The following CNTNAP2 variants were observed in gnomAD, a reference collection of about 807,000 sequenced individuals.
The protein encoded by CNTNAP2 is contactin-associated protein-like 2.
In CNTNAP2, 98 loss-of-function variants were observed where a neutral mutation model predicts 155.2. The observed-to-expected ratio is 0.63, with a 90% CI of 0.54 to 0.75. The LOEUF is 0.75. CNTNAP2 is among the 30% of genes least tolerant of loss of function. The probability of loss-of-function intolerance (pLI) is 0.00; values close to 1 mark genes in which losing one functional copy is unlikely to be tolerated. For synonymous variants in CNTNAP2, 651 were observed against 631.2 expected (o/e 1.03, Z -0.47); for missense variants, 1,727 against 1,688.1 (o/e 1.02, Z -0.40).
At chr7:148,411,073 G>C (rs1359159955) in intron 23 of CNTNAP2, among the ~76,000 whole-genome samples, 1 of 152,132 alleles carries the variant, frequency 6.6e-6, no homozygotes, top group East Asian at 1.9e-4. Flanking sequence ...AAATATTCCA[G>C]TGTTTTCTTC....
chr7:147,154,869 G>C (rs1801892831), intron 8 of CNTNAP2, among the ~76,000 whole-genome samples: 1 of 151,898 alleles, frequency 6.6e-6, no homozygotes, highest in African/African-American at 2.4e-5. Context: ...AAAACATATA[G>C]TTAGATTATG....
intron 8 of CNTNAP2, among the ~76,000 whole-genome samples, chr7:147,248,616 G>T (rs1584818501): frequency 6.6e-6 from 1 of 152,178 alleles, no homozygotes; most frequent in Admixed American, 6.5e-5. Flanking sequence ...CATTAGTAAA[G>T]AAGTTGAGAC....
intron 6 of CNTNAP2, chr7:147,122,518 G>C (rs917204500): frequency 2.0e-5 from 3 of 152,186 alleles, no homozygotes; most frequent in Non-Finnish European, 4.4e-5. Context: ...CTATTGCACT[G>C]TACGACTGGC....
intron 1 of CNTNAP2, among the ~76,000 whole-genome samples, chr7:146,306,026 A>T (rs151100175): frequency 0.013 from 1,982 of 152,238 alleles, 50 homozygotes; most frequent in African/African-American, 0.045. Context: ...GAAAAGAGAG[A>T]AGAATCAAAT....
chr7:148,068,375 A>G (rs1422214406), intron 15 of CNTNAP2, among the ~76,000 whole-genome samples: 1 of 152,112 alleles, frequency 6.6e-6, no homozygotes, highest in Non-Finnish European at 1.5e-5. Context: ...TTCTAGTTTT[A>G]TATTTCACTG....
intron 9 of CNTNAP2, among the ~76,000 whole-genome samples, chr7:147,377,518 G>C (rs977389004): frequency 6.6e-6 from 1 of 151,380 alleles, no homozygotes; most frequent in Non-Finnish European, 1.5e-5. Context: ...CTCTTTTCTG[G>C]ACATAGTTCC....
intron 19 of CNTNAP2, among the ~76,000 whole-genome samples, chr7:148,219,253 T>C (rs1795699909): frequency 1.3e-5 from 2 of 152,228 alleles, no homozygotes; most frequent in Admixed American, 6.5e-5. Context: ...GATCACTTTT[T>C]TAATGAATAA....
At chr7:146,544,303 G>C (rs1360982831) in intron 1 of CNTNAP2, among the ~76,000 whole-genome samples, 1 of 151,844 alleles carries the variant, frequency 6.6e-6, no homozygotes, top group Non-Finnish European at 1.5e-5. Flanking sequence ...TCATTTATCT[G>C]TCACCTTCTT....
chr7:147,187,509 A>C (rs1027506401), intron 8 of CNTNAP2, among the ~76,000 whole-genome samples: 5 of 152,144 alleles, frequency 3.3e-5, no homozygotes, highest in African/African-American at 1.2e-4. Flanking sequence ...ACTAACCTAG[A>C]AACAGAAAAC....
intron 13 of CNTNAP2, among the ~76,000 whole-genome samples, chr7:147,668,663 A>G (rs80332809): frequency 0.04 from 6,149 of 152,288 alleles, 139 homozygotes; most frequent in Middle Eastern, 0.13. Flanking sequence ...TAAGGTAAGG[A>G]TATAAAGAAA....
intron 4 of CNTNAP2, among the ~76,000 whole-genome samples, chr7:147,076,875 C>T (rs575949030): frequency 2.6e-5 from 4 of 152,176 alleles, no homozygotes; most frequent in Non-Finnish European, 4.4e-5. Context: ...GAAGGTCAAA[C>T]TAGCTATTTG....
At chr7:146,247,892 G>A (rs1312604868) in intron 1 of CNTNAP2, among the ~76,000 whole-genome samples, 1 of 152,108 alleles carries the variant, frequency 6.6e-6, no homozygotes, top group East Asian at 1.9e-4. Flanking sequence ...AGAAGGGTTG[G>A]GGGTTCTTGC....
Position 146,233,685 on chromosome 7 carries a change from A to G in CNTNAP2, c.97+116712A>G, listed in dbSNP as rs577300793. On this transcript the variant is annotated intron_variant, in intron 1 of 23. Transcript: ENST00000361727. ...CTGTGTCCATGTGTTCTCATTGTTC[A>G]ATTCCCACCTATGAGTGAGAATATG... Among the ~76,000 whole-genome samples the G allele has an allele frequency of 3.4e-3, 522 of 152,068 alleles. 2 individuals are homozygous for G. The highest frequency in any genetic ancestry group is 0.011 in the South Asian group (54 of 4,814).
chr7:146,282,616 A>T (rs556167487), intron 1 of CNTNAP2, among the ~76,000 whole-genome samples: 7 of 152,340 alleles, frequency 4.6e-5, no homozygotes, highest in African/African-American at 1.7e-4. Context: ...CAGAAAAATC[A>T]CTAGATAAGA....
At chr7:148,036,896 T>C (rs1009775480) in intron 15 of CNTNAP2, among the ~76,000 whole-genome samples, 4 of 152,168 alleles carry the variant, frequency 2.6e-5, no homozygotes, top group Non-Finnish European at 4.4e-5. Context: ...TATGTGTTTT[T>C]TTAAATGTAA....
At chr7:147,726,140 T>C (rs1267236193) in intron 13 of CNTNAP2, among the ~76,000 whole-genome samples, 1 of 152,050 alleles carries the variant, frequency 6.6e-6, no homozygotes, top group African/African-American at 2.4e-5. Flanking sequence ...TCAATAAATA[T>C]AAATTTATTC....
intron 1 of CNTNAP2, among the ~76,000 whole-genome samples, chr7:146,257,337 A>C (rs1405112): frequency 0.041 from 6,312 of 152,216 alleles, 400 homozygotes; most frequent in African/African-American, 0.14. Context: ...TACTTCTTAC[A>C]TCTCTGCCTC....
chr7:147,558,120 TA>T (rs1799986542), intron 11 of CNTNAP2, among the ~76,000 whole-genome samples: 1 of 152,214 alleles, frequency 6.6e-6, no homozygotes, highest in African/African-American at 2.4e-5. Flanking sequence ...GTAGGAAATT[TA>T]AAAATCTGTG....
chr7:147,209,145 G>A (rs965883789), intron 8 of CNTNAP2, among the ~76,000 whole-genome samples: 1 of 152,110 alleles, frequency 6.6e-6, no homozygotes, highest in Middle Eastern at 3.4e-3. Context: ...AGATTGATAA[G>A]AATAGCATTG....
Sources: gnomAD v4.1 joint callset for allele counts (sites outside exome capture counted in the v4.1 genomes callset) on GRCh38, gnomAD v4.1.1 for gene constraint, MANE v1.5 for transcripts, NCBI Gene and HGNC (gene_info 2026-07-23, HGNC 2026-07-21) for gene names.